The following GRK3 variants were observed in gnomAD, a reference collection of about 807,000 sequenced individuals.
GRK3 encodes adrenergic, beta, receptor kinase 2.
A neutral mutation model predicts 95.7 loss-of-function variants in GRK3; 54 were observed. That is an observed-to-expected ratio of 0.56 (90% CI 0.45 to 0.71). The LOEUF is 0.71. GRK3 is among the 30% of genes least tolerant of loss of function. The probability of loss-of-function intolerance (pLI) is 0.00; values close to 1 mark genes in which losing one functional copy is unlikely to be tolerated. For missense variants in GRK3, 649 were observed against 851.2 expected (o/e 0.76, Z 2.96); for synonymous variants, 281 against 290.8 (o/e 0.97, Z 0.34).
intron 2 of GRK3, among the ~76,000 whole-genome samples, chr22:25,609,962 C>T (rs2084483697): frequency 6.6e-6 from 1 of 151,534 alleles, no homozygotes; most frequent in South Asian, 2.1e-4. Context: ...CATCTCCTGC[C>T]TCAGCCTCCC....
chr22:25,582,216 GC>G (rs1793449721), intron 1 of GRK3, among the ~76,000 whole-genome samples: 1 of 152,018 alleles, frequency 6.6e-6, no homozygotes, highest in South Asian at 2.1e-4. Context: ...AGCGGAGGTT[GC>G]AGTGAGCCGA....
At chr22:25,646,594 C>T (rs1446817528) in intron 3 of GRK3, among the ~76,000 whole-genome samples, 3 of 152,036 alleles carry the variant, frequency 2.0e-5, no homozygotes, top group Non-Finnish European at 2.9e-5. Flanking sequence ...CAATATAAGA[C>T]TATGGAAACT....
intron 1 of GRK3, among the ~76,000 whole-genome samples, chr22:25,596,912 T>C (rs906091109): frequency 2.0e-5 from 3 of 152,186 alleles, no homozygotes; most frequent in Non-Finnish European, 4.4e-5. Context: ...GCACTTATAG[T>C]ACCAGCATGA....
intron 1 of GRK3, among the ~76,000 whole-genome samples, chr22:25,600,388 C>T (rs1184898652): frequency 6.6e-6 from 1 of 152,180 alleles, no homozygotes; most frequent in Non-Finnish European, 1.5e-5. Flanking sequence ...GATCCACCTG[C>T]CTCGGCCTCC....
chr22:25,717,979 C>A (rs2085400099), intron 18 of GRK3, among the ~76,000 whole-genome samples: 1 of 152,080 alleles, frequency 6.6e-6, no homozygotes, highest in Admixed American at 6.6e-5. Flanking sequence ...TTTGCCCTCC[C>A]AGAGCAATAA....
chr22:25,688,045 G>A (rs1021473494), intron 11 of GRK3, among the ~76,000 whole-genome samples: 3 of 152,094 alleles, frequency 2.0e-5, no homozygotes, highest in South Asian at 2.1e-4. Flanking sequence ...GGCCATCCTG[G>A]CTAACACAGT....
At chr22:25,637,589 A>T (rs1455190687) in intron 2 of GRK3, among the ~76,000 whole-genome samples, 2 of 152,204 alleles carry the variant, frequency 1.3e-5, no homozygotes, top group African/African-American at 4.8e-5. Context: ...TTTTCATTGG[A>T]TAAGTATCTA....
At chr22:25,627,501 C>T (rs1396544359) in intron 2 of GRK3, among the ~76,000 whole-genome samples, 1 of 152,208 alleles carries the variant, frequency 6.6e-6, no homozygotes, top group African/African-American at 2.4e-5. Context: ...CATTCTTTCT[C>T]CTGACTCTAT....
At position 25,727,663 on chromosome 22, in the gene GRK3, G is replaced by GTT. The variant is rs1448320641; in HGVS notation, c.*5214_*5215dup. ...AAATAACTCAGCTTTGTATAGTAGAGTTAGCGCTCCAGTATCTAACAATCT... is the reference window on the plus strand; with the variant it reads ...AAATAACTCAGCTTTGTATAGTAGAGTTTTAGCGCTCCAGTATCTAACAATCT... On this transcript the variant is annotated 3_prime_UTR_variant, in exon 21 of 21. Coordinates refer to ENST00000324198, the MANE Select transcript of GRK3 (RefSeq NM_005160.4). 3 of 152,200 alleles carry GTT rather than the reference G, an allele frequency of 2.0e-5. No individual in the cohort carries two copies. The highest frequency in any genetic ancestry group is 7.2e-5 in the African/African-American group (3 of 41,450). The allele number at this position is 152,200 out of a possible 1,614,324, so 9.4% of individuals were successfully genotyped here.
intron 5 of GRK3, among the ~76,000 whole-genome samples, chr22:25,667,243 C>T (rs1050876942): frequency 6.6e-6 from 1 of 152,134 alleles, no homozygotes; most frequent in East Asian, 1.9e-4. Flanking sequence ...ACTTCATGGA[C>T]CTATTAGCTT....
intron 1 of GRK3, among the ~76,000 whole-genome samples, chr22:25,602,250 T>C (rs2084414550): frequency 6.6e-6 from 1 of 152,102 alleles, no homozygotes; most frequent in Non-Finnish European, 1.5e-5. Context: ...AAATGCAAAT[T>C]AAAATACAAA....
chr22:25,673,625 T>C (rs2085002785), intron 7 of GRK3, among the ~76,000 whole-genome samples: 1 of 152,030 alleles, frequency 6.6e-6, no homozygotes, highest in African/African-American at 2.4e-5. Flanking sequence ...TTCTATAGGA[T>C]GTTTTAAGGT....
chr22:25,581,825 C>A (rs1932109644), intron 1 of GRK3, among the ~76,000 whole-genome samples: 1 of 151,416 alleles, frequency 6.6e-6, no homozygotes, highest in African/African-American at 2.4e-5. Flanking sequence ...AAAAAAGTAA[C>A]CCATGCTCTT....
chr22:25,630,942 C>T (rs956352198), intron 2 of GRK3, among the ~76,000 whole-genome samples: 2 of 151,978 alleles, frequency 1.3e-5, no homozygotes, highest in Non-Finnish European at 2.9e-5. Context: ...AGTTTTAAGT[C>T]AAGAAGTAAA....
chr22:25,617,552 A>G (rs1368771100), intron 2 of GRK3, among the ~76,000 whole-genome samples: 1 of 152,236 alleles, frequency 6.6e-6, no homozygotes, highest in Non-Finnish European at 1.5e-5. Flanking sequence ...CATTTCCATA[A>G]TATGCATTTC....
At chr22:25,615,198 T>C (rs113611817) in intron 2 of GRK3, among the ~76,000 whole-genome samples, 3,487 of 152,300 alleles carry the variant, frequency 0.023, 64 homozygotes, top group Middle Eastern at 0.068. Context: ...TCTCTGCCAG[T>C]GTCCACGTAT....
intron 2 of GRK3, among the ~76,000 whole-genome samples, chr22:25,609,846 T>TG (rs1491461255): frequency 7.7e-6 from 1 of 130,456 alleles, no homozygotes; most frequent in East Asian, 2.2e-4. Flanking sequence ...CAATTTTTAC[T>TG]TTTTTTTTTT....
At chr22:25,661,859 C>T (rs538959470) in intron 4 of GRK3, among the ~76,000 whole-genome samples, 182 bp downstream of exon 4, 12 of 152,232 alleles carry the variant, frequency 7.9e-5, no homozygotes, top group South Asian at 2.1e-4. Context: ...TGTGTTGCTT[C>T]GTGTAAGCTT....
chr22:25,650,960 G>A (rs996909040), intron 3 of GRK3, among the ~76,000 whole-genome samples: 7 of 152,090 alleles, frequency 4.6e-5, no homozygotes, highest in African/African-American at 1.7e-4. Context: ...GATTTGGGGA[G>A]GAAAACTTAT....
Sources: gnomAD v4.1 joint callset for allele counts (sites outside exome capture counted in the v4.1 genomes callset) on GRCh38, gnomAD v4.1.1 for gene constraint, MANE v1.5 for transcripts, NCBI Gene and HGNC (gene_info 2026-07-23, HGNC 2026-07-21) for gene names.